The following UTP18 variants were observed in gnomAD, a reference collection of about 807,000 sequenced individuals.
UTP18 encodes U3 small nucleolar RNA-associated protein 18 homolog.
Under a neutral mutation model 61.1 loss-of-function variants are expected in UTP18, and 36 were observed. That is an observed-to-expected ratio of 0.59 (90% CI 0.45 to 0.78). The LOEUF (loss-of-function observed/expected upper bound fraction) is 0.78. Among genes scored for constraint, UTP18 ranks in the 30% least tolerant of loss-of-function variants. The pLI is 0.00. For missense variants in UTP18, 753 were observed against 693.9 expected, an observed-to-expected ratio of 1.09 and a Z score of -0.96; for synonymous variants, 282 against 251.1, an observed-to-expected ratio of 1.12 and a Z score of -1.16.
At chr17:51,296,030 G>A (rs1315262534) in intron 12 of UTP18, among the ~76,000 whole-genome samples, 1 of 152,162 alleles carries the variant, frequency 6.6e-6, no homozygotes, top group East Asian at 1.9e-4. Flanking sequence ...CCCTGTAGCT[G>A]TAAGCTGTAA....
Position 51,271,187 on chromosome 17 carries a change from C to G in UTP18, c.623-2175C>G, listed in dbSNP as rs146245990. 1.8e-3 allele frequency among the ~76,000 whole-genome samples: 273 copies of G among 152,300 alleles called. 3 individuals are homozygous for G. The highest frequency in any genetic ancestry group is 0.012 in the South Asian group (56 of 4,828). On this transcript the variant is annotated intron_variant, in intron 4 of 13. Coordinates refer to ENST00000225298, the MANE Select transcript of UTP18 (RefSeq NM_016001.3). ...GCTTAGACTTCATAGTACTTTTGAA[C>G]TGGCTTGATGTCTTCTGTAAGTTTT...
intron 9 of UTP18, among the ~76,000 whole-genome samples, chr17:51,284,233 T>C (rs1905037776): frequency 1.3e-5 from 2 of 152,162 alleles, no homozygotes; most frequent in Non-Finnish European, 2.9e-5. Flanking sequence ...AGAGTACATA[T>C]GGAAGGGTGA....
rs760404320 is a variant in UTP18, at chr17:51,273,428, C to T, written c.689C>T (p.Ser230Phe). Residue 230 changes from serine (S) to phenylalanine (F), a missense_variant, in exon 5 of 14, where the codon TCT (serine) becomes TTT (phenylalanine). Physicochemically the swap from Ser to Phe is radical, Grantham distance 155. Coordinates refer to ENST00000225298, the MANE Select transcript of UTP18 (RefSeq NM_016001.3). ...GGGAATTTCATATCCACATCAACTT[C>T]TCTTCCAAGAGGAATCTTGAAGGTG... Reference protein sequence around the residue: ...RTGNFISTSTSLPRGILKMKN... With the variant: ...RTGNFISTSTFLPRGILKMKN... 2 of 1,610,748 alleles carry T rather than the reference C, an allele frequency of 1.2e-6. No homozygotes were observed. Among genetic ancestry groups the T allele is most frequent in the Non-Finnish European group, 1.7e-6 (2 of 1,178,536 alleles).
intron 12 of UTP18, chr17:51,296,478 C>T (rs1905371253): frequency 6.5e-6 from 1 of 152,674 alleles, no homozygotes; most frequent in African/African-American, 2.4e-5. Flanking sequence ...TCATCAGTCT[C>T]ATTTCAGATC....
At position 51,288,140 on chromosome 17, in the gene UTP18, C is replaced by A; in HGVS notation, c.1440C>A (p.Thr480=). Residue 480 remains threonine, a synonymous_variant, in exon 11 of 14, where the codon ACC becomes ACA. Transcript: ENST00000225298. Reference sequence around the variant, plus strand: ...TGGTTACAGGTGTTACTTCTCTGACCTTCAATCCTACTACAGAAATCTTGG... The same window carrying A: ...TGGTTACAGGTGTTACTTCTCTGACATTCAATCCTACTACAGAAATCTTGG... ...MNLVTGVTSL[T]FNPTTEILAI... 1 of 1,608,580 alleles carries A rather than the reference C, an allele frequency of 6.2e-7. No homozygotes were observed.
chr17:51,280,931 A>G (rs1904894321), intron 9 of UTP18, among the ~76,000 whole-genome samples: 1 of 151,626 alleles, frequency 6.6e-6, no homozygotes, highest in Non-Finnish European at 1.5e-5. Context: ...TAATCCCAGC[A>G]CTTTGGGAGG....
At chr17:51,264,197 T>A (rs964143686) in intron 2 of UTP18, among the ~76,000 whole-genome samples, 1 of 151,860 alleles carries the variant, frequency 6.6e-6, no homozygotes, top group African/African-American at 2.4e-5. Flanking sequence ...CCACCACACC[T>A]GGCTAATTTT....
intron 10 of UTP18, among the ~76,000 whole-genome samples, chr17:51,287,706 A>G (rs568796140): frequency 6.6e-6 from 1 of 152,328 alleles, no homozygotes; most frequent in South Asian, 2.1e-4. Flanking sequence ...GAGATGAATG[A>G]GACACTAGAA....
At chr17:51,261,014 C>A in intron 1 of UTP18, 88 bp downstream of exon 1, 5 of 1,215,752 alleles carry the variant, frequency 4.1e-6, no homozygotes, top group Non-Finnish European at 5.3e-6. Context: ...GCCTGGGCGA[C>A]CTGCGGCGGC....
chr17:51,294,822 G>A (rs1165739477), intron 12 of UTP18, among the ~76,000 whole-genome samples: 7 of 152,102 alleles, frequency 4.6e-5, no homozygotes, highest in South Asian at 2.1e-4. Context: ...CCCACCAACA[G>A]TGTAAAAGTG....
chr17:51,286,830 A>T (rs1474702164), intron 10 of UTP18, among the ~76,000 whole-genome samples: 4 of 151,972 alleles, frequency 2.6e-5, no homozygotes, highest in African/African-American at 9.7e-5. Flanking sequence ...TAGTTTTTAA[A>T]TTTTTTTTAT....
chr17:51,288,220 C>T lies in UTP18; in HGVS notation c.1503+17C>T, dbSNP rs1905162986. On this transcript the variant is annotated intron_variant, in intron 11 of 13. Coordinates refer to ENST00000225298, the MANE Select transcript of UTP18 (RefSeq NM_016001.3). ...GTCAGATTGGTAAATATTTCATTAC[C>T]CCTTTATTATTGTTATTTTTTAAAT... The T allele has an allele frequency of 1.3e-6, 2 of 1,551,032 alleles. No individual in the cohort carries two copies. Among genetic ancestry groups the T allele is most frequent in the Non-Finnish European group, 1.7e-6 (2 of 1,155,430 alleles).
chr17:51,265,359 G>C (rs530351451), intron 2 of UTP18, among the ~76,000 whole-genome samples: 1 of 151,478 alleles, frequency 6.6e-6, no homozygotes, highest in African/African-American at 2.4e-5. Context: ...TGCTTCCCAG[G>C]TTCAAGTGAT....
At chr17:51,281,724 G>T (rs182751651) in intron 9 of UTP18, among the ~76,000 whole-genome samples, 44 of 152,264 alleles carry the variant, frequency 2.9e-4, no homozygotes, top group Non-Finnish European at 5.9e-4. Flanking sequence ...TTAACATTGG[G>T]GGGGAACTGG....
At chr17:51,271,090 A>G (rs1216804187) in intron 4 of UTP18, among the ~76,000 whole-genome samples, 1 of 152,180 alleles carries the variant, frequency 6.6e-6, no homozygotes, top group Non-Finnish European at 1.5e-5. Context: ...ATTCATTAAT[A>G]TTATGAATTG....
chr17:51,262,257 TG>T (rs1258525095), intron 1 of UTP18, among the ~76,000 whole-genome samples: 1 of 152,004 alleles, frequency 6.6e-6, no homozygotes, highest in Non-Finnish European at 1.5e-5. Flanking sequence ...AATTTTTTTT[TG>T]TATCTTTAGT....
Position 51,260,588 on chromosome 17 carries a change from CCGCCGGAGCG to C in UTP18, c.5_14del (p.Pro2ArgfsTer5). On this transcript the variant is annotated frameshift_variant, in exon 1 of 14. Transcript: ENST00000225298. LOFTEE classifies it high-confidence loss of function. ...GCGTTTCTCCTCAAACCTAACGATG[CCGCCGGAGCG>C]GAGGAGACGAATGAAACTGGACCGG... 1 of 1,611,770 alleles carries C rather than the reference CCGCCGGAGCG, an allele frequency of 6.2e-7. No homozygotes were observed. Among genetic ancestry groups the C allele is most frequent in the Non-Finnish European group, 8.5e-7 (1 of 1,179,434 alleles).
chr17:51,274,093 A>G (rs1487857053), intron 5 of UTP18, among the ~76,000 whole-genome samples: 2 of 152,162 alleles, frequency 1.3e-5, no homozygotes, highest in Admixed American at 1.3e-4. Context: ...ATGATTTCCC[A>G]CTTGAGTCAC....
At position 51,277,308 on chromosome 17, in the gene UTP18, A is replaced by G; in HGVS notation, c.1012+4A>G. The G allele has an allele frequency of 6.2e-7, 1 of 1,613,626 alleles. No individual in the cohort carries two copies. The highest frequency in any genetic ancestry group is 1.6e-4 in the Middle Eastern group (1 of 6,062). On this transcript the variant is annotated splice_donor_region_variant and intron_variant, in intron 7 of 13. Transcript: ENST00000225298. The stretch of plus-strand genomic sequence containing the variant: ...ATTCCTGTGCATCAAGTGAGAGGTA[A>G]GATTTCTGTTGAATGCACACAACCA...
Sources: allele counts gnomAD v4.1 joint callset (sites outside exome capture counted in the v4.1 genomes callset), GRCh38; gene constraint gnomAD v4.1.1; transcripts MANE v1.5; gene names NCBI Gene and HGNC (gene_info 2026-07-23, HGNC 2026-07-21).